The following RBFOX1 variants were observed in gnomAD, a reference collection of about 807,000 sequenced individuals.
RBFOX1 encodes RNA binding protein fox-1 homolog 1.
Under a neutral mutation model 57.7 loss-of-function variants are expected in RBFOX1, and 8 were observed. The ratio of observed to expected loss-of-function variants is 0.14; its 90% CI spans 0.08 to 0.25. RBFOX1 has a LOEUF of 0.25. RBFOX1 is among the 10% of genes least tolerant of loss of function. RBFOX1 has a pLI of 1.00. For missense variants in RBFOX1, 611 were observed against 548.5 expected (o/e 1.11, Z -1.14); for synonymous variants, 326 against 222.4 (o/e 1.47, Z -4.15).
At chr16:6,539,352 A>T (rs2096779287) in intron 2 of RBFOX1, among the ~76,000 whole-genome samples, 1 of 152,188 alleles carries the variant, frequency 6.6e-6, no homozygotes, top group Admixed American at 6.5e-5. Flanking sequence ...ATTAAATAAG[A>T]TAATGCAGGA....
intron 2 of RBFOX1, among the ~76,000 whole-genome samples, chr16:6,617,561 G>T (rs574923600): frequency 2.6e-5 from 4 of 152,116 alleles, no homozygotes; most frequent in Middle Eastern, 6.8e-3. Flanking sequence ...TTATAGACAG[G>T]GCTGGAGGAC....
intron 1 of RBFOX1, among the ~76,000 whole-genome samples, chr16:6,289,265 A>G (rs2077210506): frequency 1.3e-5 from 2 of 152,028 alleles, no homozygotes; most frequent in Non-Finnish European, 1.5e-5. Flanking sequence ...TATAGGATGG[A>G]AAGGTTTGGA....
chr16:6,105,686 ATAT>A lies in RBFOX1; in HGVS notation c.-127+85695_-127+85697del, dbSNP rs534500100. On this transcript the variant is annotated intron_variant, in intron 1 of 15. Transcript: ENST00000550418. ...GAAAAACTTGGAAAGTAGAAAAAAA[ATAT>A]ATATATATATATAAATTAATTCCCT... Among the ~76,000 whole-genome samples, 296 of 147,230 alleles carry A rather than the reference ATAT, an allele frequency of 2.0e-3. 1 individual carries two copies. The highest frequency in any genetic ancestry group is 6.9e-3 in the African/African-American group (277 of 39,974).
At chr16:6,969,289 C>G (rs1190768379) in intron 3 of RBFOX1, among the ~76,000 whole-genome samples, 1 of 152,142 alleles carries the variant, frequency 6.6e-6, no homozygotes, top group Non-Finnish European at 1.5e-5. Context: ...TAGGCAGTTA[C>G]TCAACGAATC....
rs1482359433 is a variant in RBFOX1, at chr16:7,448,584, C to T, written c.28-69563C>T. On this transcript the variant is annotated intron_variant, in intron 4 of 15. Coordinates refer to ENST00000550418, the MANE Select transcript of RBFOX1 (RefSeq NM_018723.4). ...ACCTCCAACCGGGTCCCTCCCATGA[C>T]ACATGGGAATTATGGGAGCTACAAT... is the stretch of plus-strand genomic sequence containing the variant. Among the ~76,000 whole-genome samples, 9 of 152,270 alleles carry T rather than the reference C, an allele frequency of 5.9e-5. No homozygotes were observed. The South Asian group carries it at 1.9e-3, about 32-fold the overall frequency.
At chr16:6,907,434 A>G (rs73529670) in intron 3 of RBFOX1, among the ~76,000 whole-genome samples, 93 of 152,330 alleles carry the variant, frequency 6.1e-4, no homozygotes, top group African/African-American at 2.0e-3. Flanking sequence ...GGTGGTTTCA[A>G]TAACAGGAAT....
chr16:6,563,049 A>C (rs139459582), intron 2 of RBFOX1, among the ~76,000 whole-genome samples: 4 of 151,962 alleles, frequency 2.6e-5, no homozygotes, highest in African/African-American at 9.7e-5. Flanking sequence ...TTAGACTCAG[A>C]TGCTGCAGGG....
chr16:6,867,423 A>G (rs1457610606), intron 3 of RBFOX1, among the ~76,000 whole-genome samples: 1 of 151,184 alleles, frequency 6.6e-6, no homozygotes, highest in South Asian at 2.1e-4. Context: ...AATGAGGATT[A>G]AGGGAAGAAA....
At chr16:7,338,963 C>G (rs141435908) in intron 4 of RBFOX1, among the ~76,000 whole-genome samples, 5 of 152,280 alleles carry the variant, frequency 3.3e-5, no homozygotes, top group African/African-American at 1.2e-4. Context: ...CTGGTGGCGT[C>G]ATTTACTCTG....
intron 6 of RBFOX1, among the ~76,000 whole-genome samples, chr16:7,586,654 T>C (rs548603102): frequency 3.8e-4 from 58 of 152,378 alleles, no homozygotes; most frequent in African/African-American, 1.4e-3. Flanking sequence ...GTCTAAAATC[T>C]ATTTGTTTAA....
chr16:5,955,969 A>T (rs1249319898), intron 4 of RBFOX1, among the ~76,000 whole-genome samples: 1 of 152,170 alleles, frequency 6.6e-6, no homozygotes, highest in Non-Finnish European at 1.5e-5. Context: ...TCTAACAAAT[A>T]AAAATACATT....
chr16:7,400,996 T>C (rs558740671), intron 4 of RBFOX1, among the ~76,000 whole-genome samples: 1 of 152,258 alleles, frequency 6.6e-6, no homozygotes, highest in East Asian at 1.9e-4. Flanking sequence ...CGCATGAAAC[T>C]CAGGAATGTG....
chr16:5,912,482 C>T (rs1311572223), intron 4 of RBFOX1, among the ~76,000 whole-genome samples: 1 of 152,152 alleles, frequency 6.6e-6, no homozygotes, highest in Non-Finnish European at 1.5e-5. Flanking sequence ...CTCCTCTCAC[C>T]TCACTCCAGT....
chr16:5,328,299 G>A (rs1194829363), intron 1 of RBFOX1, among the ~76,000 whole-genome samples: 1 of 152,276 alleles, frequency 6.6e-6, no homozygotes, highest in African/African-American at 2.4e-5. Flanking sequence ...TTTGACACAC[G>A]AAGAGACTGC....
chr16:6,549,416 G>A (rs1464675308), intron 2 of RBFOX1, among the ~76,000 whole-genome samples: 1 of 53,492 alleles, frequency 1.9e-5, no homozygotes, highest in Admixed American at 1.8e-4. Context: ...GAGGGAGGAG[G>A]AGGAGGAGGG....
At chr16:6,772,537 TTGTG>T (rs1443054742) in intron 3 of RBFOX1, among the ~76,000 whole-genome samples, 1 of 147,702 alleles carries the variant, frequency 6.8e-6, no homozygotes, top group Non-Finnish European at 1.5e-5. Flanking sequence ...TGGGGCGCAT[TTGTG>T]AGTGTATGTG....
At chr16:7,438,794 A>G (rs1343093032) in intron 4 of RBFOX1, among the ~76,000 whole-genome samples, 1 of 152,296 alleles carries the variant, frequency 6.6e-6, no homozygotes, top group East Asian at 1.9e-4. Context: ...TCAATAGCGT[A>G]GCCTTGATGG....
intron 3 of RBFOX1, among the ~76,000 whole-genome samples, chr16:6,934,954 G>A (rs1567960138): frequency 6.6e-6 from 1 of 152,072 alleles, no homozygotes; most frequent in African/African-American, 2.4e-5. Context: ...TTGGCCTGGT[G>A]GCATTTGCCT....
chr16:5,807,161 C>G (rs924461857), intron 3 of RBFOX1, among the ~76,000 whole-genome samples: 21 of 152,192 alleles, frequency 1.4e-4, no homozygotes, highest in South Asian at 6.2e-4. Flanking sequence ...ATTACTTAAC[C>G]TCTCAGAGCC....
Sources: gnomAD v4.1 joint callset for allele counts (sites outside exome capture counted in the v4.1 genomes callset) on GRCh38, gnomAD v4.1.1 for gene constraint, MANE v1.5 for transcripts, NCBI Gene and HGNC (gene_info 2026-07-23, HGNC 2026-07-21) for gene names.